The following CD99L2 variants were observed in gnomAD, a reference collection of about 807,000 sequenced individuals.
The protein encoded by CD99L2 is CD99 antigen-like protein 2.
A neutral mutation model predicts 27.3 loss-of-function variants in CD99L2; 24 were observed. The ratio of observed to expected loss-of-function variants is 0.88; its 90% CI spans 0.64 to 1.24. CD99L2 has a LOEUF of 1.24. CD99L2 is among the 50% of genes most tolerant of loss of function. The probability of loss-of-function intolerance (pLI) is 0.00; values close to 1 mark genes in which losing one functional copy is unlikely to be tolerated. For synonymous variants in CD99L2, 97 were observed against 87.9 expected, an observed-to-expected ratio of 1.10 and a Z score of -0.58; for missense variants, 255 against 221.6, an observed-to-expected ratio of 1.15 and a Z score of -0.96.
At chrX:150,824,652 A>AAGGAGAAGAAGGAGGAGAAGAAGGAGG in intron 2 of CD99L2, among the ~76,000 whole-genome samples, 1 of 92,141 alleles carries the variant, frequency 1.1e-5, no homozygotes, top group African/African-American at 4.1e-5. Flanking sequence ...GAAGAAGAAG[A>AAGGAGAAGAAGGAGGAGAAGAAGGAGG]AGAAGAAGAA....
chrX:150,801,833 A>G (rs1437211881), intron 4 of CD99L2, among the ~76,000 whole-genome samples: 1 of 111,825 alleles, frequency 8.9e-6, no homozygotes, highest in East Asian at 2.8e-4. Flanking sequence ...ATCAATGGAC[A>G]TGAAAAAATC....
intron 7 of CD99L2, among the ~76,000 whole-genome samples, chrX:150,788,888 T>C (rs1041477576): frequency 1.8e-5 from 2 of 111,966 alleles, no homozygotes; most frequent in Admixed American, 9.5e-5. Flanking sequence ...TGAATGAGCG[T>C]TCTTGTTGCT....
intron 1 of CD99L2, among the ~76,000 whole-genome samples, chrX:150,844,066 T>C (rs184331943): frequency 8.9e-6 from 1 of 112,277 alleles, no homozygotes; most frequent in Non-Finnish European, 1.9e-5. Context: ...TCACTTGGGT[T>C]CAAGGAATAA....
rs782123814 is a variant in CD99L2, at chrX:150,771,865, G to A, written c.656-1496C>T. 192 of 1,142,351 alleles carry A rather than the reference G, an allele frequency of 1.7e-4. 1 individual carries two copies. The South Asian group carries it at 1.8e-3, about 11-fold the overall frequency. 94.1% of individuals were successfully genotyped at this position (1,142,351 alleles called of 1,213,427 possible). ...AGCTTAGAATCCCTGGAGTAAGAGC[G>A]CTCCTGACAGCAAACATGCGGGCTT... On this transcript the variant is annotated intron_variant, in intron 9 of 10. Transcript: ENST00000370377.
chrX:150,776,670 T>C (rs1337955582), intron 8 of CD99L2, among the ~76,000 whole-genome samples: 1 of 111,491 alleles, frequency 9.0e-6, no homozygotes, highest in African/African-American at 3.3e-5. Context: ...TGATTATCTA[T>C]TGGAAACGTT....
chrX:150,841,463 A>G (rs1486385543), intron 1 of CD99L2, among the ~76,000 whole-genome samples: 4 of 111,581 alleles, frequency 3.6e-5, no homozygotes, highest in African/African-American at 1.3e-4. Context: ...TTTGTTTTCA[A>G]TCCATGTACG....
chrX:150,772,697 G>C (rs1461016122), intron 9 of CD99L2, among the ~76,000 whole-genome samples: 1 of 112,624 alleles, frequency 8.9e-6, no homozygotes, highest in Non-Finnish European at 1.9e-5. Context: ...ATGAGGAGAA[G>C]ACCTTGGCTC....
At chrX:150,805,210 A>C (rs2045977077) in intron 4 of CD99L2, among the ~76,000 whole-genome samples, 1 of 110,657 alleles carries the variant, frequency 9.0e-6, no homozygotes, top group African/African-American at 3.3e-5. Context: ...CAAACAAACA[A>C]ACACAAAGAT....
At chrX:150,769,386 G>A (rs1557418869) in intron 10 of CD99L2, among the ~76,000 whole-genome samples, 1 of 112,715 alleles carries the variant, frequency 8.9e-6, no homozygotes, top group East Asian at 2.8e-4. Flanking sequence ...TAAACAAAGG[G>A]CTCAACCTAG....
At chrX:150,824,180 G>A (rs1557420767) in intron 2 of CD99L2, among the ~76,000 whole-genome samples, 1 of 71,252 alleles carries the variant, frequency 1.4e-5, no homozygotes, top group African/African-American at 5.3e-5. Flanking sequence ...GGAGGAGAAG[G>A]AGGAGGAGGA....
At chrX:150,816,948 C>A (rs1557420512) in intron 2 of CD99L2, among the ~76,000 whole-genome samples, 1 of 102,938 alleles carries the variant, frequency 9.7e-6, no homozygotes, top group Admixed American at 1.1e-4. Context: ...ATCGCAAGAA[C>A]AAAAAACCAA....
rs1358295623 is a variant in CD99L2 at position 150,769,052 on chromosome X, G to A, written c.771C>T (p.Pro257=). The A allele has an allele frequency of 1.0e-5, 12 of 1,155,292 alleles. No individual in the cohort carries two copies. The highest frequency in any genetic ancestry group is 3.8e-5 in the African/African-American group (2 of 53,311). ...AGGGCCCTCAGATCCGGGCTGGTTC[G>A]GGCGGCGGCGGCGGCTCTGCAGACT... ...HTQSAEPPPP[P]EPARI Residue 257 remains proline (P), a synonymous_variant, in exon 11 of 11, where the codon CCC becomes CCT. Transcript: ENST00000370377.
chrX:150,793,893 C>A (rs1220559207), intron 6 of CD99L2, 137 bp from the exon 7 acceptor site: 5 of 424,008 alleles, frequency 1.2e-5, no homozygotes, highest in Non-Finnish European at 1.9e-5. Flanking sequence ...TCTAAGAGGT[C>A]CCCCCAGACC....
intron 9 of CD99L2, among the ~76,000 whole-genome samples, chrX:150,771,038 G>A (rs1181080977): frequency 1.8e-5 from 2 of 112,457 alleles, no homozygotes; most frequent in Non-Finnish European, 3.8e-5. Flanking sequence ...CCGCCAGCAA[G>A]GGCCAGTGTT....
intron 1 of CD99L2, among the ~76,000 whole-genome samples, chrX:150,889,467 TA>T (rs373044500): frequency 3.2e-4 from 29 of 91,315 alleles, no homozygotes; most frequent in Admixed American, 5.9e-4. Context: ...GAAGCAGCAA[TA>T]AAAAAAAAAA....
chrX:150,777,547 C>T (rs367689723), intron 7 of CD99L2, 65 bp from the exon 8 acceptor site: 902 of 1,101,959 alleles, frequency 8.2e-4, no homozygotes, highest in Admixed American at 1.2e-3. Flanking sequence ...CTCGGGCCTC[C>T]GCGAGACGGA....
chrX:150,847,866 C>T (rs782315096), intron 1 of CD99L2, among the ~76,000 whole-genome samples: 1 of 111,291 alleles, frequency 9.0e-6, no homozygotes, highest in Non-Finnish European at 1.9e-5. Context: ...ACAAAGCCCA[C>T]CACTTTTCCA....
intron 1 of CD99L2, among the ~76,000 whole-genome samples, chrX:150,836,343 G>C (rs1339592299): frequency 1.0e-5 from 1 of 96,093 alleles, no homozygotes; most frequent in Admixed American, 1.1e-4. Flanking sequence ...ATCATATTTA[G>C]CTTAATTTTT....
At chrX:150,891,510 G>A (rs944506356) in intron 1 of CD99L2, among the ~76,000 whole-genome samples, 6 of 111,919 alleles carry the variant, frequency 5.4e-5, no homozygotes, top group African/African-American at 2.0e-4. Flanking sequence ...AAGGACCCGG[G>A]TGATTACATT....
Sources: allele counts gnomAD v4.1 joint callset (sites outside exome capture counted in the v4.1 genomes callset), GRCh38; gene constraint gnomAD v4.1.1; transcripts MANE v1.5; gene names NCBI Gene and HGNC (gene_info 2026-07-23, HGNC 2026-07-21).